The following RADIL variants were observed in gnomAD, a reference collection of about 807,000 sequenced individuals.
RADIL encodes the protein ras-associating and dilute domain-containing protein.
A neutral mutation model predicts 97.6 loss-of-function variants in RADIL; 99 were observed. The observed-to-expected ratio is 1.01, with a 90% confidence interval of 0.86 to 1.20. The LOEUF (loss-of-function observed/expected upper bound fraction) is 1.20, where lower values mean the gene tolerates loss of function less well. Among genes scored for constraint, RADIL ranks in the 50% most tolerant of loss-of-function variants. RADIL has a pLI of 0.00. For synonymous variants in RADIL, 803 were observed against 691.8 expected (o/e 1.16, Z -2.52); for missense variants, 1,765 against 1,498.9 (o/e 1.18, Z -2.93).
chr7:4,799,482 C>T lies in RADIL; in HGVS notation c.3124G>A (p.Ala1042Thr), dbSNP rs1313378361. 7 of 1,613,972 alleles carry T rather than the reference C, an allele frequency of 4.3e-6. No homozygotes were observed. Among genetic ancestry groups the T allele is most frequent in the Non-Finnish European group, 5.9e-6 (7 of 1,179,992 alleles). Reference protein sequence around the residue: ...SSLLGLGYLRAVDLIRHGGKK... With the variant: ...SSLLGLGYLRTVDLIRHGGKK... Reference sequence around the variant, plus strand: ...CCGCCATGACGGATCAGGTCCACAGCTCTGAAATCCATGCCAGAGGTGGGG... The same window carrying T: ...CCGCCATGACGGATCAGGTCCACAGTTCTGAAATCCATGCCAGAGGTGGGG... The change falls in exon 15 of 15, where the codon GCT (alanine) becomes ACT (threonine). Residue 1042 changes from alanine (A) to threonine (T), a missense_variant and splice_region_variant. By Grantham distance (58) the Ala-to-Thr change is moderately conservative. Coordinates refer to ENST00000399583, the MANE Select transcript of RADIL (RefSeq NM_018059.5).
At chr7:4,816,488 A>T (rs1170164226) in intron 7 of RADIL, 23 bp from the exon 8 acceptor site, 24 of 1,579,326 alleles carry the variant, frequency 1.5e-5, no homozygotes, top group Middle Eastern at 4.2e-4. Context: ...AGAGGAGAAC[A>T]GCAACCAGCA....
At position 4,872,628 on chromosome 7, in the gene RADIL, C is replaced by A. The variant is rs767526848; in HGVS notation, c.535+4977G>T. On this transcript the variant is annotated intron_variant, in intron 2 of 14. Coordinates refer to ENST00000399583, the MANE Select transcript of RADIL (RefSeq NM_018059.5). The surrounding 1 kb of genome is among the most constrained non-coding windows in gnomAD (Gnocchi z 5.8). ...GAGAGCCACTTCCAGCCCGGCCATA[C>A]CTCCAGCACCAGCCTCCTCCTGGAA... Among the ~76,000 whole-genome samples, 21 of 152,182 alleles carry A rather than the reference C, an allele frequency of 1.4e-4. No individual in the cohort carries two copies. Among genetic ancestry groups the A allele is most frequent in the Non-Finnish European group, 2.2e-4 (15 of 68,028 alleles).
chr7:4,801,853 G>C lies in RADIL; in HGVS notation c.2642C>G (p.Pro881Arg). 1 of 1,583,998 alleles carries C rather than the reference G, an allele frequency of 6.3e-7. No individual in the cohort carries two copies. Among genetic ancestry groups the C allele is most frequent in the Non-Finnish European group, 8.6e-7 (1 of 1,161,368 alleles). Residue 881 changes from proline (P) to arginine (R), a missense_variant, in exon 12 of 15, where the codon CCT (proline) becomes CGT (arginine). By Grantham distance (103) the Pro-to-Arg change is moderately radical. Transcript: ENST00000399583. ...LRGAPWAQAP[P>R]GRQPSRGGSQ... Reference sequence around the variant, plus strand: ...GCCCCCACGGCTGGGTTGCCTTCCAGGGGGGGCCTGTGCCCAGGGAGCCCC... The same window carrying C: ...GCCCCCACGGCTGGGTTGCCTTCCACGGGGGGCCTGTGCCCAGGGAGCCCC...
At chr7:4,838,783 C>G (rs1293501216) in intron 2 of RADIL, among the ~76,000 whole-genome samples, 1 of 152,258 alleles carries the variant, frequency 6.6e-6, no homozygotes, top group Non-Finnish European at 1.5e-5. Context: ...CAGAGCCTCC[C>G]TCTGAGTGCA....
chr7:4,861,854 A>ACCTTCACGTCCCCCACCACCGCGT (rs766339033), intron 2 of RADIL: 2 of 1,337,452 alleles, frequency 1.5e-6, no homozygotes, highest in Non-Finnish European at 2.0e-6. Context: ...CACCACCGCG[A>ACCTTCACGTCCCCCACCACCGCGT]CCTTCGCGGC....
rs1322327747 is a variant in RADIL, at chr7:4,822,335, T to C, written c.1615+59A>G. 7.2e-6 allele frequency: 11 copies of C among 1,536,050 alleles called. No homozygotes were observed. Among genetic ancestry groups the C allele is most frequent in the African/African-American group, 1.4e-5 (1 of 73,230 alleles). On this transcript the variant is annotated intron_variant, in intron 6 of 14. Coordinates refer to ENST00000399583, the MANE Select transcript of RADIL (RefSeq NM_018059.5). This position sits in a 1 kb window ranked among gnomAD's most constrained non-coding sequence, Gnocchi z 5.3. ...CTAGGTTCCGAGGACGGCGAGGAGA[T>C]GCCACACTCCCCTGCCTGGGGTGCT... is the stretch of plus-strand genomic sequence containing the variant.
In RADIL at chr7:4,817,120, T is replaced by C; in HGVS notation, c.1728+119A>G. 1.2e-6 allele frequency: 1 copy of C among 820,284 alleles called. No individual in the cohort carries two copies. The highest frequency in any genetic ancestry group is 1.9e-6 in the Non-Finnish European group (1 of 515,128). 50.8% of individuals were successfully genotyped at this position (820,284 alleles called of 1,614,324 possible). On this transcript the variant is annotated intron_variant, in intron 7 of 14. Coordinates refer to ENST00000399583, the MANE Select transcript of RADIL (RefSeq NM_018059.5). This position sits in a 1 kb window ranked among gnomAD's most constrained non-coding sequence, Gnocchi z 8.3. ...CACTGCTCCCTGATGAAGTGGAGCTTGTCACGGTCCCCTCCCTCAGCCCCC... is the reference window on the plus strand; with the variant it reads ...CACTGCTCCCTGATGAAGTGGAGCTCGTCACGGTCCCCTCCCTCAGCCCCC...
Position 4,801,907 on chromosome 7 carries a change from ACTTCCCGGG to A in RADIL, c.2579_2587del (p.Ala860_Glu862del). 6.4e-7 allele frequency: 1 copy of A among 1,571,436 alleles called. No individual in the cohort carries two copies. The highest frequency in any genetic ancestry group is 8.6e-7 in the Non-Finnish European group (1 of 1,159,896). On this transcript the variant is annotated inframe_deletion, in exon 12 of 15. Transcript: ENST00000399583. ...CAAGGGAAGAGTACGCTCCGGGGCC[ACTTCCCGGG>A]CTGCTGGGCCAGGGTCCCTGGGAGC...
chr7:4,823,150 G>C (rs1308351745), intron 5 of RADIL, among the ~76,000 whole-genome samples: 1 of 152,056 alleles, frequency 6.6e-6, no homozygotes, highest in Non-Finnish European at 1.5e-5. Context: ...AGACTCAGAG[G>C]CAATCGTTAG....
rs1583276604 is a variant in RADIL at position 4,816,299 on chromosome 7, A to C, written c.1895T>G (p.Val632Gly). 6.2e-7 allele frequency: 1 copy of C among 1,612,498 alleles called. No individual in the cohort carries two copies. The highest frequency in any genetic ancestry group is 8.5e-7 in the Non-Finnish European group (1 of 1,179,784). ...LLRQLQVHPE[V>G]ASQMLAYLFF... ...GAGGTAGGCGAGCATCTGCGAGGCC[A>C]CCTCGGGGTGCACCTGCAGCTGCCG... The change falls in exon 8 of 15, where the codon GTG becomes GGG. Residue 632 changes from valine (V) to glycine (G), a missense_variant. Val to Gly is a moderately radical substitution (Grantham distance 109). Coordinates refer to ENST00000399583, the MANE Select transcript of RADIL (RefSeq NM_018059.5).
chr7:4,868,014 T>G (rs1468392258), intron 2 of RADIL, among the ~76,000 whole-genome samples: 1 of 152,214 alleles, frequency 6.6e-6, no homozygotes, highest in Admixed American at 6.5e-5. Flanking sequence ...TAAACTAACT[T>G]TCATAACTTT....
rs570088324 is a variant in RADIL at position 4,816,042 on chromosome 7, G to A, written c.1966+186C>T. ...ACCCCGATGGGACCCTGGCTCCTAC[G>A]GGATGCGCTGTGCTGATCTGTCCCC... On this transcript the variant is annotated intron_variant, in intron 8 of 14. Coordinates refer to ENST00000399583, the MANE Select transcript of RADIL (RefSeq NM_018059.5). Among the ~76,000 whole-genome samples, 326 of 152,252 alleles carry A rather than the reference G, an allele frequency of 2.1e-3. 3 individuals are homozygous for A. The highest frequency in any genetic ancestry group is 7.5e-3 in the African/African-American group (313 of 41,548).
chr7:4,852,121 G>A (rs974839753), intron 2 of RADIL, among the ~76,000 whole-genome samples: 17 of 152,160 alleles, frequency 1.1e-4, no homozygotes, highest in Non-Finnish European at 1.5e-4. Flanking sequence ...ATCCTCATCC[G>A]GCCCACAGGC....
chr7:4,797,518 T>C lies in RADIL; in HGVS notation c.*1860A>G, dbSNP rs1468646010. ...GCCACTGTCTTTCCTCTGGCCACAG[T>C]CCACACCCCTCCCACATAAAAAATA... On this transcript the variant is annotated 3_prime_UTR_variant, in exon 15 of 15. Coordinates refer to ENST00000399583, the MANE Select transcript of RADIL (RefSeq NM_018059.5). 6.6e-6 allele frequency: 1 copy of C among 152,136 alleles called. No individual in the cohort carries two copies. The highest frequency in any genetic ancestry group is 1.5e-5 in the Non-Finnish European group (1 of 68,034). The allele number at this position is 152,136 out of a possible 1,614,324, so 9.4% of individuals were successfully genotyped here. A position where few individuals can be genotyped will look rare whatever the true frequency, so the allele number is the denominator to read the frequency against.
At position 4,814,358 on chromosome 7, in the gene RADIL, G is replaced by A. The variant is rs138097073; in HGVS notation, c.2139+920C>T. ...TTTTGAGACAGGGCCTCACTTTGTC[G>A]CTCAAGGTGGAGTGCAGTGGCATGA... On this transcript the variant is annotated intron_variant, in intron 9 of 14. Coordinates refer to ENST00000399583, the MANE Select transcript of RADIL (RefSeq NM_018059.5). This position sits in a 1 kb window ranked among gnomAD's most constrained non-coding sequence, Gnocchi z 4.5. Among the ~76,000 whole-genome samples, 89 of 152,092 alleles carry A rather than the reference G, an allele frequency of 5.9e-4. 1 individual carries two copies. The East Asian group carries it at 0.014, about 24-fold the overall frequency.
chr7:4,802,011 G>A lies in RADIL; in HGVS notation c.2500-16C>T. ...GGTGCATACCCTAGGGAGAGGAAGG[G>A]TGACAGCTCAGGTAGAGGAGTGGCC... On this transcript the variant is annotated splice_polypyrimidine_tract_variant and intron_variant, in intron 11 of 14. Transcript: ENST00000399583. 3 of 1,483,462 alleles carry A rather than the reference G, an allele frequency of 2.0e-6. No homozygotes were observed. The highest frequency in any genetic ancestry group is 2.7e-6 in the Non-Finnish European group (3 of 1,116,754). The allele number at this position is 1,483,462 out of a possible 1,614,324, so 91.9% of individuals were successfully genotyped here.
Position 4,879,724 on chromosome 7 carries a change from CAAAGA to C in RADIL, c.-64-1526_-64-1522del, listed in dbSNP as rs1304935413. ...ACAGAAAGCAACCAGGGAACCCCTCCAAAGAAAAGGAGCCACACTGTCCCTTAGGA... is the reference window on the plus strand; with the variant it reads ...ACAGAAAGCAACCAGGGAACCCCTCCAAAGGAGCCACACTGTCCCTTAGGA... On this transcript the variant is annotated intron_variant, in intron 1 of 14. Coordinates refer to ENST00000399583, the MANE Select transcript of RADIL (RefSeq NM_018059.5). The surrounding 1 kb of genome is among the most constrained non-coding windows in gnomAD (Gnocchi z 4.1). 6.6e-6 allele frequency among the ~76,000 whole-genome samples: 1 copy of C among 152,142 alleles called. No individual in the cohort carries two copies. The highest frequency in any genetic ancestry group is 1.5e-5 in the Non-Finnish European group (1 of 68,022).
In RADIL at chr7:4,822,811, C is replaced by T. The variant is rs982536267; in HGVS notation, c.1455-257G>A. On this transcript the variant is annotated intron_variant, in intron 5 of 14. Transcript: ENST00000399583. This position sits in a 1 kb window ranked among gnomAD's most constrained non-coding sequence, Gnocchi z 5.3. ...CGCCACAGCCATTGGTAAAAAACCT[C>T]GGTAAGTAGATGGCTTGCATGTCTT... is the stretch of plus-strand genomic sequence containing the variant. Among the ~76,000 whole-genome samples the T allele has an allele frequency of 1.3e-5, 2 of 152,066 alleles. No homozygotes were observed. Among genetic ancestry groups the T allele is most frequent in the East Asian group, 3.9e-4 (2 of 5,192 alleles).
chr7:4,820,768 A>T (rs1264694858), intron 6 of RADIL, among the ~76,000 whole-genome samples: 1 of 152,154 alleles, frequency 6.6e-6, no homozygotes, highest in African/African-American at 2.4e-5. Context: ...CCCTCAGTCC[A>T]GCCTGGTCTC....
Sources: allele counts gnomAD v4.1 joint callset (sites outside exome capture counted in the v4.1 genomes callset), GRCh38; gene constraint gnomAD v4.1.1; non-coding constraint Gnocchi (gnomAD v3.1); transcripts MANE v1.5; gene names NCBI Gene and HGNC (gene_info 2026-07-23, HGNC 2026-07-21).